Variants in RORA observed in about 807,000 individuals in gnomAD.
RORA encodes the protein RAR related orphan receptor A.
A neutral mutation model predicts 69.5 loss-of-function variants in RORA; 7 were observed. That is an observed-to-expected ratio of 0.10 (90% CI 0.06 to 0.19). The LOEUF (loss-of-function observed/expected upper bound fraction) is 0.19, where lower values mean the gene tolerates loss of function less well. Ranked by LOEUF, RORA falls within the 10% of genes least tolerant of loss-of-function variation. The pLI, the probability that RORA is intolerant of heterozygous loss-of-function variation, is 1.00. For missense variants in RORA, 457 were observed against 663.0 expected (o/e 0.69, Z 3.41); for synonymous variants, 261 against 240.8 (o/e 1.08, Z -0.78).
intron 1 of RORA, among the ~76,000 whole-genome samples, chr15:61,130,837 G>A (rs1474319023): frequency 6.6e-6 from 1 of 151,968 alleles, no homozygotes; most frequent in African/African-American, 2.4e-5. Flanking sequence ...TAATAAAATG[G>A]GAATCACATT....
chr15:61,218,124 C>A (rs2080057899), intron 1 of RORA, among the ~76,000 whole-genome samples: 1 of 151,518 alleles, frequency 6.6e-6, no homozygotes, highest in African/African-American at 2.4e-5. Context: ...AATAATAGAG[C>A]AAACACAATC....
intron 1 of RORA, among the ~76,000 whole-genome samples, chr15:60,776,202 G>T (rs531713509): frequency 1.3e-5 from 2 of 151,726 alleles, no homozygotes; most frequent in South Asian, 4.2e-4. Flanking sequence ...AGCAGGCCTC[G>T]TCCCAACTCC....
At chr15:60,725,733 G>A (rs991623709) in intron 1 of RORA, among the ~76,000 whole-genome samples, 7 of 151,974 alleles carry the variant, frequency 4.6e-5, no homozygotes, top group African/African-American at 1.7e-4. Flanking sequence ...TGTGCCTTTC[G>A]GGATCTAGTC....
intron 5 of RORA, among the ~76,000 whole-genome samples, chr15:60,507,754 TGATGAA>T (rs1170701588): frequency 5.9e-5 from 9 of 152,218 alleles, no homozygotes; most frequent in East Asian, 3.9e-4. Context: ...GATAAAAAAA[TGATGAA>T]GATGAAGAGT....
chr15:60,729,847 C>G (rs2071407177), intron 1 of RORA, among the ~76,000 whole-genome samples: 1 of 152,194 alleles, frequency 6.6e-6, no homozygotes, highest in African/African-American at 2.4e-5. Context: ...ATGGTATTTT[C>G]TATGTAATAT....
chr15:60,982,379 G>A (rs749719672), intron 1 of RORA, among the ~76,000 whole-genome samples: 1 of 152,206 alleles, frequency 6.6e-6, no homozygotes, highest in Non-Finnish European at 1.5e-5. Context: ...CCTACAGCAT[G>A]TCATTCCCTA....
chr15:60,710,765 T>G (rs2071131718), intron 1 of RORA, among the ~76,000 whole-genome samples: 1 of 152,190 alleles, frequency 6.6e-6, no homozygotes, highest in Non-Finnish European at 1.5e-5. Context: ...ACAGCTCCTG[T>G]GGTGCCTCTG....
chr15:60,610,148 C>T (rs1252971820), intron 2 of RORA, among the ~76,000 whole-genome samples: 2 of 151,588 alleles, frequency 1.3e-5, no homozygotes, highest in Non-Finnish European at 2.9e-5. Flanking sequence ...AAAGAGCTCA[C>T]GTGGCAATGT....
At chr15:60,949,005 C>G (rs1892995002) in intron 1 of RORA, among the ~76,000 whole-genome samples, 1 of 152,162 alleles carries the variant, frequency 6.6e-6, no homozygotes, top group South Asian at 2.1e-4. Context: ...GAAGTATATT[C>G]TGAGCGGTGG....
At chr15:60,845,746 T>C (rs1417960084) in intron 1 of RORA, among the ~76,000 whole-genome samples, 1 of 152,180 alleles carries the variant, frequency 6.6e-6, no homozygotes, top group African/African-American at 2.4e-5. Context: ...TGTGAAGCCA[T>C]TTTTTTGTTT....
chr15:61,150,075 G>A, intron 1 of RORA, among the ~76,000 whole-genome samples: 1 of 152,222 alleles, frequency 6.6e-6, no homozygotes, highest in East Asian at 1.9e-4. Flanking sequence ...ACTACACATG[G>A]TTAAACTCCT....
At chr15:60,972,491 T>C (rs1893747734) in intron 1 of RORA, among the ~76,000 whole-genome samples, 1 of 152,216 alleles carries the variant, frequency 6.6e-6, no homozygotes, top group Non-Finnish European at 1.5e-5. Flanking sequence ...CTGGTATGCA[T>C]AAATTCTCCT....
At chr15:60,526,935 C>G (rs2066377169) in intron 3 of RORA, among the ~76,000 whole-genome samples, 1 of 152,154 alleles carries the variant, frequency 6.6e-6, no homozygotes, top group Non-Finnish European at 1.5e-5. Context: ...CTTATATACT[C>G]TAGATATTTT....
chr15:60,638,439 C>T (rs1248513254), intron 2 of RORA, among the ~76,000 whole-genome samples: 2 of 143,536 alleles, frequency 1.4e-5, no homozygotes, highest in East Asian at 4.1e-4. Context: ...TTAATAATGG[C>T]CTGTTAATTA....
At position 60,728,039 on chromosome 15, in the gene RORA, G is replaced by A. The variant is rs139859830; in HGVS notation, c.167-49353C>T. ...GACACCAAGGTTTGTGAAACACTGA[G>A]CCTAGTATTTTTCCTCTGTATCAAA... On this transcript the variant is annotated intron_variant, in intron 1 of 10. Transcript: ENST00000335670. 1.1e-4 allele frequency among the ~76,000 whole-genome samples: 17 copies of A among 152,260 alleles called. No individual in the cohort carries two copies. The East Asian group carries it at 2.9e-3, about 26-fold the overall frequency.
At chr15:60,518,891 C>T (rs192148467) in intron 3 of RORA, among the ~76,000 whole-genome samples, 90 of 152,288 alleles carry the variant, frequency 5.9e-4, no homozygotes, top group Admixed American at 7.8e-4. Context: ...CCTTAATCGT[C>T]GTTTTGCTTT....
rs534343391 is a variant in RORA, at chr15:60,915,772, G to A, written c.167-237086C>T. 5.3e-5 allele frequency among the ~76,000 whole-genome samples: 8 copies of A among 152,288 alleles called. No homozygotes were observed. The South Asian group carries it at 1.5e-3, about 28-fold the overall frequency. Reference sequence around the variant, plus strand: ...ATAAGATCAGAATTCTAGCTCGCTCGAATGTGGGTTCAAATCCCAACAGGC... The same window carrying A: ...ATAAGATCAGAATTCTAGCTCGCTCAAATGTGGGTTCAAATCCCAACAGGC... On this transcript the variant is annotated intron_variant, in intron 1 of 10. Transcript: ENST00000335670.
At chr15:60,743,229 G>A (rs1378409978) in intron 1 of RORA, among the ~76,000 whole-genome samples, 1 of 151,860 alleles carries the variant, frequency 6.6e-6, no homozygotes, top group Admixed American at 6.6e-5. Flanking sequence ...TGACCAGGCT[G>A]GTCTTGAACT....
intron 8 of RORA, 127 bp from the exon 9 acceptor site, chr15:60,501,196 G>A: frequency 1.6e-6 from 1 of 621,336 alleles, no homozygotes; most frequent in Non-Finnish European, 2.9e-6. Context: ...ACATGGGGAA[G>A]GTGAAGAGAG....
Sources: allele counts gnomAD v4.1 joint callset (sites outside exome capture counted in the v4.1 genomes callset), GRCh38; gene constraint gnomAD v4.1.1; transcripts MANE v1.5; gene names NCBI Gene and HGNC (gene_info 2026-07-23, HGNC 2026-07-21).